The following P2RX6 variants were observed in gnomAD, a reference collection of about 807,000 sequenced individuals.
P2RX6 encodes P2X purinoceptor 6.
A neutral mutation model predicts 54.2 loss-of-function variants in P2RX6; 62 were observed. The ratio of observed to expected loss-of-function variants is 1.14; its 90% CI spans 0.93 to 1.41. The LOEUF is 1.41. Ranked by LOEUF, P2RX6 falls within the 40% of genes most tolerant of loss-of-function variation. The pLI is 0.00. For synonymous variants in P2RX6, 211 were observed against 231.9 expected, an observed-to-expected ratio of 0.91 and a Z score of 0.82; for missense variants, 541 against 566.3, an observed-to-expected ratio of 0.96 and a Z score of 0.45.
chr22:21,025,657 C>T, intron 8 of P2RX6, 148 bp from the exon 9 acceptor site: 1 of 623,992 alleles, frequency 1.6e-6, no homozygotes, highest in African/African-American at 1.8e-5. Flanking sequence ...TCTGTTTTCT[C>T]ACCAATTACA....
At chr22:21,022,827 C>T in intron 4 of P2RX6, 76 bp downstream of exon 4, 2 of 1,472,612 alleles carry the variant, frequency 1.4e-6, no homozygotes, top group South Asian at 1.2e-5. Flanking sequence ...CTCCTGAGTG[C>T]AGGCCCTGCT....
rs759694707 is a variant in P2RX6 at position 21,023,446 on chromosome 22, A to G, written c.780+30A>G. 12 of 1,613,840 alleles carry G rather than the reference A, an allele frequency of 7.4e-6. No individual in the cohort carries two copies. The South Asian group carries it at 1.2e-4, about 16-fold the overall frequency. On this transcript the variant is annotated intron_variant, in intron 7 of 11. Transcript: ENST00000413302. ...GTCCCAAGTTGGGGGCAGGGTTCCT[A>G]GAGGGCTCTGGGAGAGGGTCCCGGG...
chr22:21,024,488 G>T (rs552487136), intron 8 of P2RX6, among the ~76,000 whole-genome samples: 1 of 152,180 alleles, frequency 6.6e-6, no homozygotes, highest in South Asian at 2.1e-4. Context: ...ATGTTGGCCA[G>T]GATGGTCTCG....
Position 21,026,059 on chromosome 22 carries a change from G to A in P2RX6, c.1033G>A (p.Ala345Thr), listed in dbSNP as rs1359783184. ...CACGGCCGTCACACTGGGCACCGGG[G>A]CAGCTTGGCTGGGCGTGGTGAGTGC... ...IPTAVTLGTG[A>T]AWLGVVTFFC... Residue 345 changes from alanine (A) to threonine (T), a missense_variant, in exon 10 of 12, where the codon GCA (alanine) becomes ACA (threonine). By Grantham distance (58) the Ala-to-Thr change is moderately conservative (BLOSUM62 0). Transcript: ENST00000413302. The surrounding 1 kb of genome is among the most constrained non-coding windows in gnomAD (Gnocchi z 4.0). 1.2e-6 allele frequency: 2 copies of A among 1,611,542 alleles called. No individual in the cohort carries two copies. The highest frequency in any genetic ancestry group is 2.2e-5 in the South Asian group (2 of 90,544).
rs1280324457 is a variant in P2RX6 at position 21,026,178 on chromosome 22, C to T, written c.1051-74C>T. ...CCTCCGGTGCCTGCACATTGAGTCT[C>T]GGGGTGCAGGCTGGGGAGGTGGCAG... On this transcript the variant is annotated intron_variant, in intron 10 of 11. Transcript: ENST00000413302. This position sits in a 1 kb window ranked among gnomAD's most constrained non-coding sequence, Gnocchi z 4.0. 35 of 1,534,840 alleles carry T rather than the reference C, an allele frequency of 2.3e-5. No individual in the cohort carries two copies. The highest frequency in any genetic ancestry group is 3.8e-5 in the Admixed American group (2 of 52,022).
At position 21,023,336 on chromosome 22, in the gene P2RX6, T is replaced by G. The variant is rs754960598; in HGVS notation, c.700T>G (p.Phe234Val). ...YFKHCRYEPQ[F>V]SPYCPVFRIG... ...TAAGCACTGCCGCTATGAACCACAA[T>G]TCAGCCCCTACTGTCCCGTGTTCCG... The change falls in exon 7 of 12, where the codon TTC becomes GTC. Residue 234 changes from phenylalanine (F) to valine (V), a missense_variant. By Grantham distance (50) the Phe-to-Val change is conservative. Coordinates refer to ENST00000413302, the MANE Select transcript of P2RX6 (RefSeq NM_005446.5). 4 of 1,613,914 alleles carry G rather than the reference T, an allele frequency of 2.5e-6. No homozygotes were observed. The highest frequency in any genetic ancestry group is 1.7e-6 in the Non-Finnish European group (2 of 1,179,864).
At chr22:21,022,624 G>T in intron 3 of P2RX6, 52 bp from the exon 4 acceptor site, 1 of 1,346,532 alleles carries the variant, frequency 7.4e-7, no homozygotes, top group African/African-American at 1.5e-5. Context: ...ACTGGGCTGT[G>T]GAGGGGAGAC....
chr22:21,023,384 G>A lies in P2RX6; in HGVS notation c.748G>A (p.Ala250Thr), dbSNP rs756392259. The A allele has an allele frequency of 6.2e-7, 1 of 1,614,036 alleles. No homozygotes were observed. Among genetic ancestry groups the A allele is most frequent in the South Asian group, 1.1e-5 (1 of 91,084 alleles). The change falls in exon 7 of 12, where the codon GCT becomes ACT. Residue 250 changes from alanine to threonine, a missense_variant. Around this residue, in one of 2 missense-constraint regions of P2RX6, gnomAD observed 526 missense variants for 531.5 expected, o/e 0.99. Transcript: ENST00000413302. ...CCGCATTGGGGACCTCGTGGCCAAGGCTGGAGGGACCTTCGAGGACCTGGC... is the reference window on the plus strand; with the variant it reads ...CCGCATTGGGGACCTCGTGGCCAAGACTGGAGGGACCTTCGAGGACCTGGC... ...VFRIGDLVAK[A>T]GGTFEDLALL...
chr22:21,022,776 T>C (rs1162358411), intron 4 of P2RX6, 25 bp downstream of exon 4: 2 of 1,540,304 alleles, frequency 1.3e-6, no homozygotes, highest in Middle Eastern at 1.8e-4. Flanking sequence ...TGTCTTCCAG[T>C]GCCCCCAGCA....
chr22:21,012,472 C>T, upstream of P2RX6: 2 of 488,304 alleles, frequency 4.1e-6, no homozygotes, highest in South Asian at 3.9e-5. Flanking sequence ...GGAGGCACAT[C>T]CCTGAGGAAA....
intron 3 of P2RX6, chr22:21,018,341 C>A (rs948258193): frequency 5.4e-5 from 23 of 429,474 alleles, no homozygotes; most frequent in African/African-American, 4.5e-4. Context: ...GTGACAGGAC[C>A]CCGAGCTCTG....
At chr22:21,012,970 G>C (rs1925834959), upstream of P2RX6, 3 of 155,834 alleles carry the variant, frequency 1.9e-5, no homozygotes, top group South Asian at 3.9e-4. Context: ...ACAGACTCAG[G>C]GGCACTCCCA....
upstream of P2RX6, among the ~76,000 whole-genome samples, chr22:21,012,059 T>C (rs1222685039): frequency 3.3e-5 from 5 of 152,184 alleles, no homozygotes; most frequent in Non-Finnish European, 5.9e-5. Flanking sequence ...TATGAGGTCT[T>C]GTGGGGGCCA....
In P2RX6 at chr22:21,025,866, G is replaced by C; in HGVS notation, c.952G>C (p.Gly318Arg). Residue 318 changes from glycine (G) to arginine (R), a missense_variant, in exon 9 of 12, where the codon GGA (glycine) becomes CGA (arginine). By Grantham distance (125) the Gly-to-Arg change is moderately radical (BLOSUM62 -2). Around this residue, in one of 2 missense-constraint regions of P2RX6, gnomAD observed 526 missense variants for 531.5 expected, o/e 0.99. Coordinates refer to ENST00000413302, the MANE Select transcript of P2RX6 (RefSeq NM_005446.5). The stretch of plus-strand genomic sequence containing the variant: ...GGCCCGCACCCTGCTCAAGCTCTAT[G>C]GAATCCGCTTCGACATCCTCGTCAC... The part of the protein sequence containing the change: ...VEARTLLKLY[G>R]IRFDILVTGQ... 6.4e-7 allele frequency: 1 copy of C among 1,574,554 alleles called. No homozygotes were observed.
chr22:21,014,883 TA>T, upstream of P2RX6: 1 of 341,392 alleles, frequency 2.9e-6, no homozygotes. Flanking sequence ...ACAGCACTGA[TA>T]ACAGCTGTCC....
At position 21,015,291 on chromosome 22, in the gene P2RX6, C is replaced by T. The variant is rs201387542; in HGVS notation, c.117C>T (p.Gly39=). The T allele has an allele frequency of 6.4e-6, 10 of 1,552,714 alleles. No homozygotes were observed. In the East Asian group the frequency reaches 1.8e-4, roughly 28 times the overall value. ...TGATGACCAGGAACTGGCGGGTGGG[C>T]GCCCTGCAGAGGCTGCTGCAGTTTG... ...KYVMTRNWRV[G]ALQRLLQFGI... Residue 39 remains glycine (G), a synonymous_variant, in exon 1 of 12, where the codon GGC becomes GGT. Transcript: ENST00000413302.
At chr22:21,022,563 A>C in intron 3 of P2RX6, 113 bp from the exon 4 acceptor site, 1 of 711,522 alleles carries the variant, frequency 1.4e-6, no homozygotes, top group South Asian at 2.4e-5. Context: ...GAGGTTGTTT[A>C]AGGTGGGAAG....
upstream of P2RX6, chr22:21,012,462 G>T: frequency 4.3e-6 from 2 of 461,582 alleles, no homozygotes; most frequent in Non-Finnish European, 8.3e-6. Flanking sequence ...TTTCAGGGGT[G>T]GAGGCACATC....
At chr22:21,018,088 G>T (rs1176640903) in intron 3 of P2RX6, 28 bp downstream of exon 3, 1 of 1,532,502 alleles carries the variant, frequency 6.5e-7, no homozygotes, top group South Asian at 1.1e-5. Flanking sequence ...CCTCCCAGCG[G>T]GTCCCTTGTT....
Sources: gnomAD v4.1 joint callset for allele counts (sites outside exome capture counted in the v4.1 genomes callset) on GRCh38, gnomAD v4.1.1 for gene constraint, gnomAD v4.1.1 regional missense constraint, Gnocchi (gnomAD v3.1) non-coding constraint, MANE v1.5 for transcripts, NCBI Gene and HGNC (gene_info 2026-07-23, HGNC 2026-07-21) for gene names.